The following DAPK2 variants were observed in gnomAD, a reference collection of about 807,000 sequenced individuals.
The protein encoded by DAPK2 is death associated protein kinase 2.
A neutral mutation model predicts 44.1 loss-of-function variants in DAPK2; 35 were observed. That is an observed-to-expected ratio of 0.79 (90% CI 0.61 to 1.05). The LOEUF (loss-of-function observed/expected upper bound fraction) is 1.05. DAPK2 is among the 50% of genes least tolerant of loss of function. The pLI, the probability that DAPK2 is intolerant of heterozygous loss-of-function variation, is 0.00. For synonymous variants in DAPK2, 174 were observed against 182.6 expected, an observed-to-expected ratio of 0.95 and a Z score of 0.38; for missense variants, 453 against 483.2, an observed-to-expected ratio of 0.94 and a Z score of 0.59.
rs1206156890 is a variant in DAPK2, at chr15:64,038,360, G to A, written c.92+1810C>T. ...TCAAGCATCATTGGCAGGGCTGGCT[G>A]TGGTTTGTTGCCGAGAATGGCATCT... On this transcript the variant is annotated intron_variant, in intron 1 of 10. Transcript: ENST00000261891. Among the ~76,000 whole-genome samples the A allele has an allele frequency of 7.2e-5, 11 of 152,314 alleles. No homozygotes were observed. The East Asian group carries it at 1.7e-3, about 24-fold the overall frequency.
At chr15:63,963,283 G>A (rs931062139) in intron 3 of DAPK2, among the ~76,000 whole-genome samples, 12 of 151,616 alleles carry the variant, frequency 7.9e-5, no homozygotes, top group African/African-American at 1.9e-4. Flanking sequence ...GGAATTCCCC[G>A]ACCCCTTGTG....
intron 8 of DAPK2, chr15:63,922,922 A>C (rs1370361571): frequency 2.0e-5 from 30 of 1,535,888 alleles, no homozygotes; most frequent in Middle Eastern, 1.7e-4. Flanking sequence ...CAGAATCTCA[A>C]ACTGGGCTTG....
At chr15:64,010,420 C>T (rs1027973098) in intron 1 of DAPK2, among the ~76,000 whole-genome samples, 1 of 152,176 alleles carries the variant, frequency 6.6e-6, no homozygotes, top group Non-Finnish European at 1.5e-5. Flanking sequence ...GTGTCCTCTG[C>T]CAACTTTCCC....
Position 63,908,323 on chromosome 15 carries a change from C to A in DAPK2, c.*197G>T. 1 of 414,370 alleles carries A rather than the reference C, an allele frequency of 2.4e-6. No individual in the cohort carries two copies. Among genetic ancestry groups the A allele is most frequent in the African/African-American group, 2.1e-5 (1 of 48,780 alleles). The allele number at this position is 414,370 out of a possible 1,614,324, so 25.7% of individuals were successfully genotyped here. ...ATTAAGAGCTTTGGGAATGCTGGAG[C>A]CTCCTCCACAGAAGACAGCCACAGC... On this transcript the variant is annotated 3_prime_UTR_variant, in exon 11 of 11. Transcript: ENST00000261891. The surrounding 1 kb of genome is among the most constrained non-coding windows in gnomAD (Gnocchi z 5.7).
At chr15:63,984,506 AG>A (rs1416936730) in intron 1 of DAPK2, among the ~76,000 whole-genome samples, 1 of 152,184 alleles carries the variant, frequency 6.6e-6, no homozygotes, top group Non-Finnish European at 1.5e-5. Flanking sequence ...AGCTTCCCTG[AG>A]TGCTCCAGGG....
chr15:63,946,713 C>T (rs2077457974), intron 3 of DAPK2, among the ~76,000 whole-genome samples: 1 of 152,158 alleles, frequency 6.6e-6, no homozygotes, highest in Non-Finnish European at 1.5e-5. Flanking sequence ...GAGCAAGGAC[C>T]TCCAGCCCAG....
intron 10 of DAPK2, chr15:63,909,801 CA>C (rs5813259): frequency 0.71 from 103,954 of 146,608 alleles, 37,258 homozygotes; most frequent in East Asian, 0.99. Context: ...GACTCTGTCT[CA>C]AAAAAAAAAA....
At chr15:64,033,970 AC>A (rs1362387809) in intron 1 of DAPK2, among the ~76,000 whole-genome samples, 1 of 151,750 alleles carries the variant, frequency 6.6e-6, no homozygotes, top group Non-Finnish European at 1.5e-5. Context: ...GGGGTGTGAG[AC>A]TCAGCGAGAG....
At chr15:63,940,365 G>A (rs1421808093) in intron 3 of DAPK2, among the ~76,000 whole-genome samples, 2 of 151,956 alleles carry the variant, frequency 1.3e-5, no homozygotes, top group African/African-American at 4.8e-5. Context: ...GTATCCACAT[G>A]TGAATTCGAT....
intron 1 of DAPK2, among the ~76,000 whole-genome samples, chr15:64,036,269 A>ATG (rs1250243136): frequency 1.6e-4 from 12 of 74,844 alleles, no homozygotes; most frequent in Admixed American, 6.6e-4. Flanking sequence ...CAAAATATAT[A>ATG]TATATGTGTG....
chr15:63,945,600 C>T, intron 3 of DAPK2, among the ~76,000 whole-genome samples: 1 of 152,170 alleles, frequency 6.6e-6, no homozygotes, highest in East Asian at 1.9e-4. Context: ...TGCTTCCACC[C>T]TCCCCAAATA....
In DAPK2 at chr15:63,907,193, C is replaced by T. The variant is rs982021386; in HGVS notation, c.*1327G>A. 77 of 152,152 alleles carry T rather than the reference C, an allele frequency of 5.1e-4. 1 individual carries two copies. The highest frequency in any genetic ancestry group is 2.5e-4 in the Non-Finnish European group (17 of 68,050). 9.4% of individuals were successfully genotyped at this position (152,152 alleles called of 1,614,324 possible). Reference sequence around the variant, plus strand: ...CTTCATGTGGTCTTTCCTGCGTGTCCTAACCTCCCCTTCTTATAAGGACAC... The same window carrying T: ...CTTCATGTGGTCTTTCCTGCGTGTCTTAACCTCCCCTTCTTATAAGGACAC... On this transcript the variant is annotated 3_prime_UTR_variant, in exon 11 of 11. Transcript: ENST00000261891.
chr15:64,040,037 A>G, intron 1 of DAPK2, 133 bp downstream of exon 2: 4 of 675,126 alleles, frequency 5.9e-6, no homozygotes, highest in Middle Eastern at 3.9e-4. Flanking sequence ...GCAGGTGAAT[A>G]ATCCTCAGGC....
chr15:64,003,911 A>G (rs2079161484), intron 1 of DAPK2, among the ~76,000 whole-genome samples: 1 of 152,198 alleles, frequency 6.6e-6, no homozygotes, highest in Non-Finnish European at 1.5e-5. Flanking sequence ...GGCCTATCAC[A>G]CCTTTTAAAA....
chr15:63,921,394 C>T (rs185853008), intron 8 of DAPK2: 2 of 152,342 alleles, frequency 1.3e-5, no homozygotes, highest in East Asian at 1.9e-4. Context: ...TTGGGAATAT[C>T]GTTTAGTCTG....
intron 1 of DAPK2, among the ~76,000 whole-genome samples, chr15:64,008,973 T>C (rs1567270675): frequency 6.6e-6 from 1 of 152,166 alleles, no homozygotes; most frequent in Non-Finnish European, 1.5e-5. Flanking sequence ...ATAAGACCTC[T>C]TTGTTTAAAG....
intron 4 of DAPK2, among the ~76,000 whole-genome samples, chr15:63,934,141 T>A: frequency 6.6e-6 from 1 of 151,954 alleles, no homozygotes; most frequent in Non-Finnish European, 1.5e-5. Flanking sequence ...TAACAAATTC[T>A]AATATAAATC....
At chr15:63,971,597 C>A in intron 2 of DAPK2, 36 bp from the exon 4 acceptor site, 3 of 1,607,466 alleles carry the variant, frequency 1.9e-6, no homozygotes, top group Non-Finnish European at 2.6e-6. Flanking sequence ...GAGGCCCAGG[C>A]CCAGTCAGCT....
In DAPK2 at chr15:64,002,977, T is replaced by C. The variant is rs1231857836; in HGVS notation, c.93-19223A>G. On this transcript the variant is annotated intron_variant, in intron 1 of 10. Transcript: ENST00000261891. ...GTGTGTGTGTGTGTCGTGGGACCTG[T>C]GTGTGTGTGTGTGTGTGTGTGTGTG... 2.3e-3 allele frequency among the ~76,000 whole-genome samples: 131 copies of C among 56,838 alleles called. 1 individual carries two copies. The highest frequency in any genetic ancestry group is 4.7e-3 in the Non-Finnish European group (86 of 18,310). The allele number at this position is 56,838 out of a possible 152,430, so 37.3% of individuals were successfully genotyped here.
Sources: gnomAD v4.1 joint callset for allele counts (sites outside exome capture counted in the v4.1 genomes callset) on GRCh38, gnomAD v4.1.1 for gene constraint, Gnocchi (gnomAD v3.1) non-coding constraint, MANE v1.5 for transcripts, NCBI Gene and HGNC (gene_info 2026-07-23, HGNC 2026-07-21) for gene names.